Variants in AGMO observed in about 807,000 individuals in gnomAD.
The protein encoded by AGMO is glyceryl-ether monooxygenase.
A neutral mutation model predicts 60.2 loss-of-function variants in AGMO; 75 were observed. The observed-to-expected ratio is 1.25, with a 90% CI of 1.03 to 1.51. AGMO has a LOEUF of 1.51. Among genes scored for constraint, AGMO ranks in the 40% most tolerant of loss-of-function variants. The probability of loss-of-function intolerance (pLI) is 0.00; values close to 1 mark genes in which losing one functional copy is unlikely to be tolerated. For synonymous variants in AGMO, 261 were observed against 177.1 expected, an observed-to-expected ratio of 1.47 and a Z score of -3.76; for missense variants, 763 against 525.5, an observed-to-expected ratio of 1.45 and a Z score of -4.42.
At chr7:15,510,905 A>G (rs1329304923) in intron 3 of AGMO, among the ~76,000 whole-genome samples, 2 of 148,414 alleles carry the variant, frequency 1.3e-5, no homozygotes, top group African/African-American at 4.9e-5. Flanking sequence ...GTTTATGTAT[A>G]TATGTATAAA....
In AGMO at chr7:15,331,604, T is replaced by C. The variant is rs115701211; in HGVS notation, c.1263+33910A>G. On this transcript the variant is annotated intron_variant, in intron 12 of 12. Coordinates refer to ENST00000342526, the MANE Select transcript of AGMO (RefSeq NM_001004320.2). The stretch of plus-strand genomic sequence containing the variant: ...AATATATTCTCCTTTTTGGCTGAGA[T>C]AGATTATATTTCCCAGGCTCATTTT... Among the ~76,000 whole-genome samples the C allele has an allele frequency of 5.0e-3, 762 of 152,212 alleles. 9 individuals carry two copies. Among genetic ancestry groups the C allele is most frequent in the African/African-American group, 0.017 (715 of 41,542 alleles).
At chr7:15,439,848 A>G (rs7787350) in intron 3 of AGMO, among the ~76,000 whole-genome samples, 76,644 of 152,022 alleles carry the variant, frequency 0.5, 19,952 homozygotes, top group Non-Finnish European at 0.59. Context: ...AAGAGCAAGA[A>G]CTTTTGAACT....
chr7:15,477,088 G>A (rs1029804496), intron 3 of AGMO, among the ~76,000 whole-genome samples: 5 of 151,846 alleles, frequency 3.3e-5, no homozygotes, highest in African/African-American at 1.2e-4. Context: ...CGTATACACA[G>A]AAAAGGAATT....
rs376879419 is a variant in AGMO, at chr7:15,365,616, G to A, written c.1161C>T (p.Pro387=). The stretch of plus-strand genomic sequence containing the variant: ...GGAGAGTTTCCATAATAGCTGCCTT[G>A]GGTCTGAAATAAAATGTCATTAACA... ...TSIGFLLDQR[P]KAAIMETLRC... Residue 387 remains proline (P), a synonymous_variant, in exon 12 of 13, where the codon CCC becomes CCT. Transcript: ENST00000342526. The A allele has an allele frequency of 4.8e-5, 78 of 1,609,780 alleles. No homozygotes were observed. Among genetic ancestry groups the A allele is most frequent in the Non-Finnish European group, 6.0e-5 (71 of 1,176,942 alleles).
At chr7:15,453,175 C>G (rs1017539506) in intron 3 of AGMO, among the ~76,000 whole-genome samples, 4 of 151,890 alleles carry the variant, frequency 2.6e-5, no homozygotes, top group African/African-American at 7.3e-5. Context: ...TGTGAATATG[C>G]CAAAAGCCAC....
intron 12 of AGMO, among the ~76,000 whole-genome samples, chr7:15,323,295 T>C (rs1781239150): frequency 6.6e-6 from 1 of 152,132 alleles, no homozygotes; most frequent in Admixed American, 6.6e-5. Flanking sequence ...ATTCTGACTG[T>C]TTAACTTTTT....
At chr7:15,251,106 T>C (rs1283709541) in intron 12 of AGMO, among the ~76,000 whole-genome samples, 6 of 152,182 alleles carry the variant, frequency 3.9e-5, no homozygotes, top group Admixed American at 2.6e-4. Flanking sequence ...ACAACTAGAA[T>C]ATTAAATACT....
the AGMO span, among the ~76,000 whole-genome samples, chr7:15,147,304 G>A: frequency 2.6e-5 from 4 of 152,130 alleles, no homozygotes; most frequent in Non-Finnish European, 2.9e-5. Flanking sequence ...AAGGAAAGAG[G>A]TTTAATGGAC....
At chr7:15,494,068 G>C (rs910518002) in intron 3 of AGMO, among the ~76,000 whole-genome samples, 1 of 152,000 alleles carries the variant, frequency 6.6e-6, no homozygotes, top group Non-Finnish European at 1.5e-5. Flanking sequence ...TTGACACTGG[G>C]TTAAGGAGTT....
intron 3 of AGMO, among the ~76,000 whole-genome samples, chr7:15,507,428 A>T (rs1365877397): frequency 1.3e-5 from 2 of 152,108 alleles, no homozygotes; most frequent in Admixed American, 6.6e-5. Flanking sequence ...CCTACCAAGA[A>T]TTCATAGGAA....
At chr7:15,327,594 G>C (rs1781378775) in intron 12 of AGMO, among the ~76,000 whole-genome samples, 1 of 152,000 alleles carries the variant, frequency 6.6e-6, no homozygotes, top group African/African-American at 2.4e-5. Flanking sequence ...TTAGAAAAGA[G>C]ACTACTATAG....
At chr7:15,521,391 C>T (rs1224408685) in intron 3 of AGMO, among the ~76,000 whole-genome samples, 12 of 151,998 alleles carry the variant, frequency 7.9e-5, no homozygotes, top group Admixed American at 7.9e-4. Context: ...AGAGGCACAA[C>T]AAAAAAGGAA....
At chr7:15,290,963 G>A (rs547142087) in intron 12 of AGMO, among the ~76,000 whole-genome samples, 1 of 152,070 alleles carries the variant, frequency 6.6e-6, no homozygotes, top group Non-Finnish European at 1.5e-5. Context: ...ATGGATAATA[G>A]AGTCTAGTCA....
At chr7:15,447,577 G>T (rs1459732220) in intron 3 of AGMO, among the ~76,000 whole-genome samples, 1 of 151,794 alleles carries the variant, frequency 6.6e-6, no homozygotes, top group Non-Finnish European at 1.5e-5. Flanking sequence ...TTTAGATAGA[G>T]TCTAACTCTG....
At position 15,236,952 on chromosome 7, in the gene AGMO, T is replaced by TA. The variant is rs939849645; in HGVS notation, c.1264-35594dup. Among the ~76,000 whole-genome samples, 17 of 147,940 alleles carry TA rather than the reference T, an allele frequency of 1.1e-4. No individual in the cohort carries two copies. In the East Asian group the frequency reaches 1.2e-3, roughly 11 times the overall value. ...GTGTTGGTAAAACAAAAGAAATTGG[T>TA]AAAAAAAATAAAAATAAAAAATAGT... On this transcript the variant is annotated intron_variant, in intron 12 of 12. Transcript: ENST00000342526.
the AGMO span, among the ~76,000 whole-genome samples, chr7:15,136,954 T>A: frequency 3.3e-5 from 5 of 152,156 alleles, no homozygotes; most frequent in Non-Finnish European, 7.3e-5. Context: ...CATGACTTCT[T>A]CTCCCTTAGT....
At chr7:15,251,552 G>T (rs946732704) in intron 12 of AGMO, among the ~76,000 whole-genome samples, 1 of 152,202 alleles carries the variant, frequency 6.6e-6, no homozygotes, top group African/African-American at 2.4e-5. Context: ...TGAAGTTAAT[G>T]TTCTAAGAAA....
At chr7:15,303,777 A>T (rs1400103943) in intron 12 of AGMO, among the ~76,000 whole-genome samples, 1 of 152,180 alleles carries the variant, frequency 6.6e-6, no homozygotes, top group East Asian at 1.9e-4. Context: ...TGTTTGGTAG[A>T]AAAGAAAGAT....
intron 12 of AGMO, among the ~76,000 whole-genome samples, chr7:15,356,577 A>G (rs888777054): frequency 4.6e-5 from 7 of 152,210 alleles, no homozygotes; most frequent in Non-Finnish European, 1.0e-4. Context: ...CACAAAGTAC[A>G]AAATAACTGT....
Sources: allele counts gnomAD v4.1 joint callset (sites outside exome capture counted in the v4.1 genomes callset), GRCh38; gene constraint gnomAD v4.1.1; transcripts MANE v1.5; gene names NCBI Gene and HGNC (gene_info 2026-07-23, HGNC 2026-07-21).